Variants in PREX1 observed in about 807,000 individuals in gnomAD.
PREX1 encodes the protein phosphatidylinositol-3,4,5-trisphosphate dependent Rac exchange factor 1.
Under a neutral mutation model 198.3 loss-of-function variants are expected in PREX1, and 41 were observed. The ratio of observed to expected loss-of-function variants is 0.21; its 90% confidence interval spans 0.16 to 0.27. PREX1 has a LOEUF of 0.27. Ranked by LOEUF, PREX1 falls within the 10% of genes least tolerant of loss-of-function variation. The pLI is 1.00. For missense variants in PREX1, 1,620 were observed against 2,200.7 expected, an observed-to-expected ratio of 0.74 and a Z score of 5.28; for synonymous variants, 843 against 887.2, an observed-to-expected ratio of 0.95 and a Z score of 0.89.
At chr20:48,656,339 G>C in intron 18 of PREX1, 1 of 382,538 alleles carries the variant, frequency 2.6e-6, no homozygotes, top group Non-Finnish European at 5.3e-6. Flanking sequence ...CTTTGCCCCT[G>C]ACAATCTGAG....
At chr20:48,681,368 T>C in intron 10 of PREX1, 33 bp from the exon 11 acceptor site, 1 of 1,603,508 alleles carries the variant, frequency 6.2e-7, no homozygotes, top group Non-Finnish European at 8.5e-7. Context: ...TTGAGAGGAT[T>C]TCCCCAATTC....
chr20:48,698,385 A>T (rs1418559258), intron 7 of PREX1, among the ~76,000 whole-genome samples: 1 of 152,174 alleles, frequency 6.6e-6, no homozygotes, highest in Admixed American at 6.5e-5. Context: ...TCCAAACCCC[A>T]GTGTTCTGGG....
At chr20:48,809,748 A>C (rs978369705) in intron 1 of PREX1, among the ~76,000 whole-genome samples, 2 of 152,206 alleles carry the variant, frequency 1.3e-5, no homozygotes, top group Non-Finnish European at 2.9e-5. Context: ...ACCTAAGAAG[A>C]GGCCCAGGCA....
chr20:48,643,566 C>A (rs545144211), intron 27 of PREX1, among the ~76,000 whole-genome samples: 1 of 152,202 alleles, frequency 6.6e-6, no homozygotes, highest in Non-Finnish European at 1.5e-5. Flanking sequence ...ACCTGCCCAT[C>A]CATGCATTCA....
intron 15 of PREX1, among the ~76,000 whole-genome samples, chr20:48,661,543 G>GTGTGTA (rs1428739487): frequency 8.1e-5 from 7 of 86,298 alleles, no homozygotes; most frequent in Non-Finnish European, 9.9e-5. Flanking sequence ...GTGTGTGTGT[G>GTGTGTA]TATATATATA....
the PREX1 span, among the ~76,000 whole-genome samples, chr20:48,863,591 T>A: frequency 1.2e-4 from 18 of 146,506 alleles, no homozygotes; most frequent in African/African-American, 4.5e-4. Context: ...ATTGTCTTTT[T>A]TTTTTTTTTT....
At chr20:48,861,016 C>T in the PREX1 span, among the ~76,000 whole-genome samples, 8 of 152,084 alleles carry the variant, frequency 5.3e-5, no homozygotes, top group Non-Finnish European at 7.4e-5. Flanking sequence ...ATAAGATGGC[C>T]CTGCCTCCTT....
chr20:48,700,672 C>T, intron 7 of PREX1, 81 bp downstream of exon 7: 1 of 1,548,840 alleles, frequency 6.5e-7, no homozygotes, highest in Non-Finnish European at 8.9e-7. Context: ...AAGGGAGGCC[C>T]AGAGAGGGAA....
At chr20:48,841,249 C>T in the PREX1 span, among the ~76,000 whole-genome samples, 1 of 152,178 alleles carries the variant, frequency 6.6e-6, no homozygotes. Flanking sequence ...ATGCTAGATT[C>T]AGGGGAAGGC....
At chr20:48,626,095 G>T (rs2089269994) in intron 39 of PREX1, among the ~76,000 whole-genome samples, 168 bp from the exon 40 acceptor site, 1 of 152,230 alleles carries the variant, frequency 6.6e-6, no homozygotes, top group Non-Finnish European at 1.5e-5. Flanking sequence ...TCTGCTGACT[G>T]CCAGGCCCCT....
Position 48,679,668 on chromosome 20 carries a change from C to G in PREX1, c.1522G>C (p.Glu508Gln). 6.2e-7 allele frequency: 1 copy of G among 1,611,342 alleles called. No individual in the cohort carries two copies. The highest frequency in any genetic ancestry group is 8.5e-7 in the Non-Finnish European group (1 of 1,177,476). Reference sequence around the variant, plus strand: ...GCCCCTACCTTGGACATGATGTCCTCCAGCTCACTTCGGGCCTTGTAGGTG... The same window carrying G: ...GCCCCTACCTTGGACATGATGTCCTGCAGCTCACTTCGGGCCTTGTAGGTG... ...DGTYKARSEL[E>Q]DIMSKGVRLY... Residue 508 changes from glutamate to glutamine, a missense_variant, in exon 12 of 40, where the codon GAG becomes CAG. Coordinates refer to ENST00000371941, the MANE Select transcript of PREX1 (RefSeq NM_020820.4).
rs1265406577 is a variant in PREX1, at chr20:48,629,438, C to T, written c.4766+11G>A. 17 of 1,610,478 alleles carry T rather than the reference C, an allele frequency of 1.1e-5. No individual in the cohort carries two copies. The highest frequency in any genetic ancestry group is 1.1e-5 in the Non-Finnish European group (13 of 1,177,774). ...CCTCCCCACACCCCGACTCAGCGGG[C>T]AGCAGCTCACCTCTGCATGCCTGTG... On this transcript the variant is annotated intron_variant, in intron 37 of 39. Transcript: ENST00000371941.
intron 4 of PREX1, among the ~76,000 whole-genome samples, chr20:48,729,285 T>A (rs2090023790): frequency 6.6e-6 from 1 of 152,100 alleles, no homozygotes; most frequent in South Asian, 2.1e-4. Flanking sequence ...CCATGTCATC[T>A]AGGCTGGTCT....
intron 1 of PREX1, among the ~76,000 whole-genome samples, chr20:48,780,251 A>G (rs896639129): frequency 3.3e-5 from 5 of 152,164 alleles, no homozygotes; most frequent in Non-Finnish European, 7.3e-5. Context: ...GAACTGGTTG[A>G]TTTCAGGGCT....
chr20:48,697,929 C>A (rs117274949), intron 7 of PREX1, among the ~76,000 whole-genome samples: 23 of 152,208 alleles, frequency 1.5e-4, no homozygotes, highest in Non-Finnish European at 3.1e-4. Context: ...TGGTGCCCTG[C>A]ATGACCCAGG....
the PREX1 span, among the ~76,000 whole-genome samples, chr20:48,834,036 C>T: frequency 1.3e-5 from 2 of 151,770 alleles, no homozygotes; most frequent in Non-Finnish European, 2.9e-5. Flanking sequence ...AGCCAGTGAG[C>T]CGAGATAGCG....
intron 3 of PREX1, among the ~76,000 whole-genome samples, chr20:48,738,395 C>T (rs971416029): frequency 1.3e-5 from 2 of 152,206 alleles, no homozygotes; most frequent in South Asian, 2.1e-4. Context: ...AGGGGCCCAA[C>T]GCTTGAGGCT....
intron 1 of PREX1, among the ~76,000 whole-genome samples, chr20:48,765,093 G>A (rs1282242131): frequency 6.6e-6 from 1 of 152,218 alleles, no homozygotes; most frequent in African/African-American, 2.4e-5. Flanking sequence ...ACGACTGCTA[G>A]CTCGAAACAT....
At chr20:48,853,176 A>G in the PREX1 span, among the ~76,000 whole-genome samples, 1 of 152,234 alleles carries the variant, frequency 6.6e-6, no homozygotes, top group Non-Finnish European at 1.5e-5. Flanking sequence ...TTATACATAA[A>G]TAGAAAGACT....
Sources: gnomAD v4.1 joint callset for allele counts (sites outside exome capture counted in the v4.1 genomes callset) on GRCh38, gnomAD v4.1.1 for gene constraint, MANE v1.5 for transcripts, NCBI Gene and HGNC (gene_info 2026-07-23, HGNC 2026-07-21) for gene names.